The following ZNF529 variants were observed in gnomAD, a reference collection of about 807,000 sequenced individuals.
ZNF529 encodes zinc finger protein 529.
A neutral mutation model predicts 10.1 loss-of-function variants in ZNF529; 11 were observed. The observed-to-expected ratio is 1.09, with a 90% CI of 0.69 to 1.81. The LOEUF is 1.81. Ranked by LOEUF, ZNF529 falls within the 40% of genes most tolerant of loss-of-function variation. The pLI, the probability that ZNF529 is intolerant of heterozygous loss-of-function variation, is 0.00. For synonymous variants in ZNF529, 204 were observed against 215.7 expected, an observed-to-expected ratio of 0.95 and a Z score of 0.47; for missense variants, 624 against 666.8, an observed-to-expected ratio of 0.94 and a Z score of 0.71.
intron 4 of ZNF529, among the ~76,000 whole-genome samples, chr19:36,553,451 A>T (rs2035341645): frequency 6.6e-6 from 1 of 152,002 alleles, no homozygotes; most frequent in African/African-American, 2.4e-5. Context: ...AGAGTCAATT[A>T]TGTAAAGTGC....
At chr19:36,591,942 A>G (rs984789376) in intron 1 of ZNF529, among the ~76,000 whole-genome samples, 6 of 151,988 alleles carry the variant, frequency 3.9e-5, no homozygotes, top group Non-Finnish European at 7.4e-5. Flanking sequence ...GAAAGAAATG[A>G]CAGACCAAAA....
At chr19:36,556,012 G>C (rs940295639) in intron 3 of ZNF529, 92 bp downstream of exon 3, 15 of 1,311,590 alleles carry the variant, frequency 1.1e-5, no homozygotes, top group Non-Finnish European at 1.3e-5. Flanking sequence ...GAAGAAGTAT[G>C]GGGTTGTGGT....
At position 36,586,812 on chromosome 19, in the gene ZNF529, T is replaced by C. The variant is rs548439810; in HGVS notation, c.-41+2803A>G. ...TTAACACCTCATATTTCAATAGTAA[T>C]CCTAAATCCTGTTGTTTATGTCATA... is the stretch of plus-strand genomic sequence containing the variant. On this transcript the variant is annotated intron_variant, in intron 2 of 4. Transcript: ENST00000585960. Among the ~76,000 whole-genome samples the C allele has an allele frequency of 8.5e-5, 13 of 152,348 alleles. No homozygotes were observed. The East Asian group carries it at 2.3e-3, about 27-fold the overall frequency.
chr19:36,557,717 G>C (rs2035534025), intron 2 of ZNF529, among the ~76,000 whole-genome samples: 1 of 152,174 alleles, frequency 6.6e-6, no homozygotes, highest in African/African-American at 2.4e-5. Flanking sequence ...GAGGCAGAGG[G>C]TGTGGACAAA....
Position 36,548,326 on chromosome 19 carries a change from A to G in ZNF529, c.236-4T>C. ...GTCTCATTCCTGGACTCCAAATCTG[A>G]AAGAAAGGAAAAAATAATTTTCATG... is the stretch of plus-strand genomic sequence containing the variant. On this transcript the variant is annotated splice_polypyrimidine_tract_variant and splice_region_variant and intron_variant, in intron 4 of 4. Transcript: ENST00000591340. 6.6e-7 allele frequency: 1 copy of G among 1,507,348 alleles called. No individual in the cohort carries two copies. Among genetic ancestry groups the G allele is most frequent in the East Asian group, 2.4e-5 (1 of 42,026 alleles). 93.4% of individuals were successfully genotyped at this position (1,507,348 alleles called of 1,614,324 possible). A position where few individuals can be genotyped will look rare whatever the true frequency, so the allele number is the denominator to read the frequency against.
chr19:36,554,253 T>A (rs776495411), intron 4 of ZNF529, among the ~76,000 whole-genome samples: 15 of 152,198 alleles, frequency 9.9e-5, no homozygotes, highest in Non-Finnish European at 2.2e-4. Context: ...ACTGAAAGCA[T>A]GCCTTTGAAA....
At chr19:36,585,059 A>G (rs1031130598) in intron 2 of ZNF529, among the ~76,000 whole-genome samples, 1 of 152,148 alleles carries the variant, frequency 6.6e-6, no homozygotes, top group African/African-American at 2.4e-5. Context: ...GCCTGGTGAC[A>G]GCTCTTGGAA....
chr19:36,562,993 C>T (rs1008608269), intron 2 of ZNF529, among the ~76,000 whole-genome samples: 1 of 152,204 alleles, frequency 6.6e-6, no homozygotes, highest in African/African-American at 2.4e-5. Flanking sequence ...GATGCAGCAT[C>T]AAGGCACCCT....
intron 2 of ZNF529, among the ~76,000 whole-genome samples, chr19:36,578,552 G>A (rs571246356): frequency 3.3e-5 from 5 of 151,178 alleles, no homozygotes; most frequent in South Asian, 4.2e-4. Flanking sequence ...TGATCCCCCC[G>A]CCTCAGCCTC....
At chr19:36,596,057 CTTTTTTTTTTTTT>C (rs61695534) in intron 1 of ZNF529, among the ~76,000 whole-genome samples, 6 of 68,646 alleles carry the variant, frequency 8.7e-5, no homozygotes, top group African/African-American at 4.1e-4. Flanking sequence ...TCCTGAAGCT[CTTTTTTTTTTTTT>C]TTTTTTTTTT....
chr19:36,562,243 A>G (rs967514271), intron 2 of ZNF529, among the ~76,000 whole-genome samples: 9 of 152,012 alleles, frequency 5.9e-5, no homozygotes, highest in Non-Finnish European at 4.4e-5. Flanking sequence ...TGTCTGCCTT[A>G]TTCCATTATT....
chr19:36,590,241 A>G (rs913504941), intron 1 of ZNF529, among the ~76,000 whole-genome samples: 1 of 151,968 alleles, frequency 6.6e-6, no homozygotes, highest in Middle Eastern at 3.2e-3. Flanking sequence ...GTGGTGTGCA[A>G]TTGCATGGCT....
intron 1 of ZNF529, among the ~76,000 whole-genome samples, chr19:36,591,329 A>G (rs1252009105): frequency 6.6e-6 from 1 of 151,648 alleles, no homozygotes; most frequent in Non-Finnish European, 1.5e-5. Flanking sequence ...TAATTATTAT[A>G]GACAAGTCAA....
chr19:36,557,674 C>T lies in ZNF529; in HGVS notation c.15-1477G>A, dbSNP rs79055411. Among the ~76,000 whole-genome samples the T allele has an allele frequency of 4.8e-3, 732 of 152,302 alleles. 6 individuals carry two copies. The highest frequency in any genetic ancestry group is 0.017 in the African/African-American group (690 of 41,550). ...GCCAAACCATATTACAGTCACTAAG[C>T]AGGTAAATAAGCAAGTACCAATAAC... On this transcript the variant is annotated intron_variant, in intron 2 of 4. Coordinates refer to ENST00000591340, the MANE Select transcript of ZNF529 (RefSeq NM_020951.5).
At chr19:36,549,706 C>T (rs560726898) in intron 4 of ZNF529, among the ~76,000 whole-genome samples, 2 of 152,248 alleles carry the variant, frequency 1.3e-5, no homozygotes, top group African/African-American at 4.8e-5. Context: ...GAAATACAAT[C>T]GGGATGTGTT....
chr19:36,567,001 G>A (rs1379165261), intron 2 of ZNF529, among the ~76,000 whole-genome samples: 8 of 151,214 alleles, frequency 5.3e-5, no homozygotes, highest in Admixed American at 2.0e-4. Flanking sequence ...GGGCAACAGA[G>A]CGAGACTGTC....
chr19:36,598,078 C>T (rs1218027260), intron 1 of ZNF529, among the ~76,000 whole-genome samples: 1 of 152,172 alleles, frequency 6.6e-6, no homozygotes, highest in Non-Finnish European at 1.5e-5. Context: ...TAAAGTTGGT[C>T]AGGTCACGAG....
chr19:36,588,511 C>T (rs1267513252), intron 2 of ZNF529, among the ~76,000 whole-genome samples: 1 of 152,092 alleles, frequency 6.6e-6, no homozygotes, highest in African/African-American at 2.4e-5. Flanking sequence ...TTGGTCTGCC[C>T]TGTTCCCTAA....
chr19:36,552,051 T>C (rs989520105), intron 4 of ZNF529: 2 of 152,198 alleles, frequency 1.3e-5, no homozygotes, highest in Admixed American at 6.5e-5. Flanking sequence ...AAATACAAGA[T>C]GAACTGGAAA....
Sources: allele counts gnomAD v4.1 joint callset (sites outside exome capture counted in the v4.1 genomes callset), GRCh38; gene constraint gnomAD v4.1.1; transcripts MANE v1.5; gene names NCBI Gene and HGNC (gene_info 2026-07-23, HGNC 2026-07-21).